The following SLC13A4 variants were observed in gnomAD, a reference collection of about 807,000 sequenced individuals.
The protein encoded by SLC13A4 is solute carrier family 13 member 4, also known as Na(+)/sulfate cotransporter SUT-1.
A neutral mutation model predicts 72.7 loss-of-function variants in SLC13A4; 28 were observed. The observed-to-expected ratio is 0.39, with a 90% CI of 0.29 to 0.53. The LOEUF is 0.53. SLC13A4 is among the 20% of genes least tolerant of loss of function. The pLI, the probability that SLC13A4 is intolerant of heterozygous loss-of-function variation, is 0.78. For synonymous variants in SLC13A4, 312 were observed against 325.5 expected (o/e 0.96, Z 0.45); for missense variants, 653 against 788.0 (o/e 0.83, Z 2.05).
At chr7:135,698,269 G>A (rs546127784) in intron 8 of SLC13A4, among the ~76,000 whole-genome samples, 2 of 150,510 alleles carry the variant, frequency 1.3e-5, no homozygotes, top group South Asian at 2.1e-4. Context: ...CTGACCTCAA[G>A]TGATCCGCCT....
At chr7:135,710,288 C>T (rs879814746) in intron 2 of SLC13A4, among the ~76,000 whole-genome samples, 73 of 151,930 alleles carry the variant, frequency 4.8e-4, no homozygotes, top group Non-Finnish European at 7.1e-4. Flanking sequence ...TGGTAGAAGG[C>T]GAAGTGGGGG....
At chr7:135,693,271 CATTGATA>C (rs754322157) in intron 10 of SLC13A4, 3 of 152,080 alleles carry the variant, frequency 2.0e-5, no homozygotes, top group Non-Finnish European at 4.4e-5. Context: ...GAGATGCATC[CATTGATA>C]ATCCCATTTC....
intron 14 of SLC13A4, 112 bp from the exon 15 acceptor site, chr7:135,684,373 A>T: frequency 7.6e-7 from 1 of 1,320,638 alleles, no homozygotes; most frequent in Admixed American, 2.2e-5. Flanking sequence ...TTAGCAGGAC[A>T]CTATGTGGAG....
chr7:135,692,077 T>C, intron 11 of SLC13A4: 2 of 526,982 alleles, frequency 3.8e-6, no homozygotes, highest in East Asian at 3.4e-5. Context: ...TAACCACCTA[T>C]GAGGTAACCA....
chr7:135,687,023 C>G (rs1260764221), intron 13 of SLC13A4, among the ~76,000 whole-genome samples: 1 of 152,096 alleles, frequency 6.6e-6, no homozygotes, highest in Non-Finnish European at 1.5e-5. Flanking sequence ...TGCCATTGCA[C>G]TCCAGCCTGG....
chr7:135,723,070 C>G (rs1169157711), intron 1 of SLC13A4, among the ~76,000 whole-genome samples: 1 of 152,100 alleles, frequency 6.6e-6, no homozygotes, highest in Non-Finnish European at 1.5e-5. Flanking sequence ...CTGTGACAAG[C>G]AAAAAACCAT....
intron 2 of SLC13A4, among the ~76,000 whole-genome samples, chr7:135,718,864 G>C (rs1312509173): frequency 6.6e-6 from 1 of 152,140 alleles, no homozygotes; most frequent in African/African-American, 2.4e-5. Flanking sequence ...AGGTGGTTGT[G>C]GAATAGGTGT....
Position 135,685,557 on chromosome 7 carries a change from T to C in SLC13A4, c.1573A>G (p.Thr525Ala), listed in dbSNP as rs1795603539. Residue 525 changes from threonine (T) to alanine (A), a missense_variant, in exon 14 of 16, where the codon ACC becomes GCC. Thr to Ala is a moderately conservative substitution (Grantham distance 58). Transcript: ENST00000682651. ...IVTEFVSNPA[T>A]ITIFLPILCS... ...AGGATGGGCAGGAAGATGGTGATGGTTGCTGGGTTGCTCACAAACTCAGTG... is the reference window on the plus strand; with the variant it reads ...AGGATGGGCAGGAAGATGGTGATGGCTGCTGGGTTGCTCACAAACTCAGTG... 1 of 1,614,192 alleles carries C rather than the reference T, an allele frequency of 6.2e-7. No homozygotes were observed. The highest frequency in any genetic ancestry group is 8.5e-7 in the Non-Finnish European group (1 of 1,180,038).
intron 5 of SLC13A4, chr7:135,703,635 T>C (rs1796091711): frequency 6.6e-6 from 1 of 152,348 alleles, no homozygotes; most frequent in Admixed American, 6.5e-5. Flanking sequence ...TCAGTGTAAC[T>C]GACACACTGA....
intron 8 of SLC13A4, among the ~76,000 whole-genome samples, chr7:135,697,441 A>C (rs1795927362): frequency 6.6e-6 from 1 of 152,136 alleles, no homozygotes. Context: ...GAGACCCAGC[A>C]AGTGACCTCT....
chr7:135,702,660 G>C, intron 6 of SLC13A4, 185 bp downstream of exon 6: 1 of 599,274 alleles, frequency 1.7e-6, no homozygotes, highest in Admixed American at 2.7e-5. Context: ...ACAGGCATGA[G>C]CCACCACGCC....
intron 8 of SLC13A4, among the ~76,000 whole-genome samples, chr7:135,698,205 G>A (rs1003331204): frequency 5.9e-5 from 9 of 151,786 alleles, no homozygotes; most frequent in Admixed American, 2.6e-4. Flanking sequence ...GTTAACTTTT[G>A]TATGTTTAGT....
intron 13 of SLC13A4, among the ~76,000 whole-genome samples, chr7:135,690,994 G>A (rs779971819): frequency 9.9e-5 from 15 of 152,116 alleles, no homozygotes; most frequent in Admixed American, 6.5e-4. Flanking sequence ...GTGAAACCGC[G>A]TCTCTACTAA....
intron 14 of SLC13A4, among the ~76,000 whole-genome samples, chr7:135,685,222 G>T (rs1248423802): frequency 4.6e-5 from 7 of 152,208 alleles, no homozygotes; most frequent in Admixed American, 2.0e-4. Flanking sequence ...AAATGATAGG[G>T]TTTGAATATT....
intron 2 of SLC13A4, among the ~76,000 whole-genome samples, chr7:135,721,129 G>T (rs1796539396): frequency 6.6e-6 from 1 of 152,180 alleles, no homozygotes; most frequent in South Asian, 2.1e-4. Flanking sequence ...TCAGACCGAG[G>T]GAGCAACTGG....
In SLC13A4 at chr7:135,684,240, G is replaced by T; in HGVS notation, c.1630C>A (p.Pro544Thr). Residue 544 changes from proline to threonine, a missense_variant, in exon 15 of 16, where the codon CCC (proline) becomes ACC (threonine). Coordinates refer to ENST00000682651, the MANE Select transcript of SLC13A4 (RefSeq NM_001318192.2). ...GTGACTGGGATCAGGGTGTAGAGGG[G>T]GTTAATGTGCAGCGTTTCAGACTAG... ...CSLSETLHIN[P>T]LYTLIPVTMC... 1 of 1,608,668 alleles carries T rather than the reference G, an allele frequency of 6.2e-7. No homozygotes were observed. Among genetic ancestry groups the T allele is most frequent in the Non-Finnish European group, 8.5e-7 (1 of 1,176,860 alleles).
intron 2 of SLC13A4, among the ~76,000 whole-genome samples, chr7:135,713,977 C>T (rs1014569491): frequency 3.9e-4 from 59 of 152,182 alleles, no homozygotes; most frequent in Non-Finnish European, 1.0e-4. Flanking sequence ...GCTGAAGCCC[C>T]ACAGGACTCC....
Position 135,681,471 on chromosome 7 carries a change from T to C in SLC13A4, c.*92A>G. On this transcript the variant is annotated 3_prime_UTR_variant, in exon 16 of 16. Coordinates refer to ENST00000682651, the MANE Select transcript of SLC13A4 (RefSeq NM_001318192.2). ...CCGGCGTGGGTCTGGGGTTGTGTGC[T>C]CCTGGTGGTCCTAGTGGTTTTCTTT... The C allele has an allele frequency of 1.3e-6, 2 of 1,515,130 alleles. No individual in the cohort carries two copies. The highest frequency in any genetic ancestry group is 1.3e-5 in the South Asian group (1 of 77,684). 93.9% of individuals were successfully genotyped at this position (1,515,130 alleles called of 1,614,324 possible). A position where few individuals can be genotyped will look rare whatever the true frequency, so the allele number is the denominator to read the frequency against.
At chr7:135,687,904 G>C (rs934898804) in intron 13 of SLC13A4, among the ~76,000 whole-genome samples, 2 of 151,882 alleles carry the variant, frequency 1.3e-5, no homozygotes, top group East Asian at 1.9e-4. Flanking sequence ...TCTGCCTCCC[G>C]GGTCCAAATG....
Sources: gnomAD v4.1 joint callset for allele counts (sites outside exome capture counted in the v4.1 genomes callset) on GRCh38, gnomAD v4.1.1 for gene constraint, MANE v1.5 for transcripts, NCBI Gene and HGNC (gene_info 2026-07-23, HGNC 2026-07-21) for gene names.